The following GPC6 variants were observed in gnomAD, a reference collection of about 807,000 sequenced individuals.
GPC6 encodes the protein glypican 6.
GPC6 carries 14 observed loss-of-function variants against 55.2 expected under a neutral mutation model. The observed-to-expected ratio is 0.25, with a 90% CI of 0.17 to 0.40. The LOEUF (loss-of-function observed/expected upper bound fraction) is 0.40, where lower values mean the gene tolerates loss of function less well. GPC6 is among the 10% of genes least tolerant of loss of function. GPC6 has a pLI of 1.00. For synonymous variants in GPC6, 278 were observed against 259.6 expected, an observed-to-expected ratio of 1.07 and a Z score of -0.68; for missense variants, 641 against 708.5, an observed-to-expected ratio of 0.90 and a Z score of 1.08.
intron 3 of GPC6, among the ~76,000 whole-genome samples, chr13:94,004,965 G>A (rs780049993): frequency 6.6e-6 from 1 of 152,136 alleles, no homozygotes; most frequent in Non-Finnish European, 1.5e-5. Flanking sequence ...GGGAGGCTGA[G>A]GCAGGAGAAT....
At chr13:93,897,708 A>G (rs1876095902) in intron 3 of GPC6, among the ~76,000 whole-genome samples, 3 of 152,098 alleles carry the variant, frequency 2.0e-5, no homozygotes, top group African/African-American at 7.2e-5. Context: ...ACAATCTGCT[A>G]TGAGACACTA....
intron 4 of GPC6, among the ~76,000 whole-genome samples, chr13:94,137,258 A>C (rs1016007776): frequency 6.6e-6 from 1 of 152,220 alleles, no homozygotes; most frequent in Non-Finnish European, 1.5e-5. Flanking sequence ...AAATACATTC[A>C]GAAGCCAGTA....
chr13:93,909,128 C>T (rs548035904), intron 3 of GPC6, among the ~76,000 whole-genome samples: 45 of 152,280 alleles, frequency 3.0e-4, no homozygotes, highest in Non-Finnish European at 5.6e-4. Context: ...CTGTGCCTGG[C>T]ATACAATCAA....
At chr13:94,251,325 G>A (rs1439207351) in intron 4 of GPC6, among the ~76,000 whole-genome samples, 1 of 151,908 alleles carries the variant, frequency 6.6e-6, no homozygotes, top group Non-Finnish European at 1.5e-5. Context: ...AAGCGGGGGA[G>A]AGCATTAGGA....
intron 2 of GPC6, among the ~76,000 whole-genome samples, chr13:93,660,088 AT>A (rs1191821354): frequency 1.3e-5 from 2 of 152,126 alleles, no homozygotes; most frequent in Non-Finnish European, 2.9e-5. Flanking sequence ...TTTGAAAAAA[AT>A]AATTTTCTCT....
chr13:94,215,086 A>G (rs1890188304), intron 4 of GPC6, among the ~76,000 whole-genome samples: 1 of 152,212 alleles, frequency 6.6e-6, no homozygotes, highest in South Asian at 2.1e-4. Context: ...ACGCTCACGC[A>G]TGGACACACA....
intron 8 of GPC6, among the ~76,000 whole-genome samples, chr13:94,401,130 A>G (rs1160793339): frequency 6.6e-6 from 1 of 152,204 alleles, no homozygotes; most frequent in African/African-American, 2.4e-5. Flanking sequence ...AGGAAACTGC[A>G]AAAGTTGAGT....
At chr13:93,349,002 C>A (rs577931226) in intron 1 of GPC6, among the ~76,000 whole-genome samples, 3 of 152,140 alleles carry the variant, frequency 2.0e-5, no homozygotes, top group Non-Finnish European at 2.9e-5. Context: ...ACCATCAAAG[C>A]ATTAGCCCCA....
chr13:94,184,451 A>G (rs1889102761), intron 4 of GPC6, among the ~76,000 whole-genome samples: 1 of 152,100 alleles, frequency 6.6e-6, no homozygotes, highest in Non-Finnish European at 1.5e-5. Flanking sequence ...AGCAAAAAAC[A>G]AATAACCCCA....
At chr13:93,552,048 G>C (rs549113566) in intron 2 of GPC6, among the ~76,000 whole-genome samples, 1 of 152,102 alleles carries the variant, frequency 6.6e-6, no homozygotes, top group Non-Finnish European at 1.5e-5. Context: ...GCAATTCATA[G>C]GGCTTATAAT....
At chr13:93,384,472 A>C (rs1875316006) in intron 1 of GPC6, among the ~76,000 whole-genome samples, 1 of 152,022 alleles carries the variant, frequency 6.6e-6, no homozygotes, top group African/African-American at 2.4e-5. Context: ...ATATGATGAT[A>C]ATTATAAAGA....
In GPC6 at chr13:93,737,480, A is replaced by G. The variant is rs1308956690; in HGVS notation, c.320-92674A>G. Among the ~76,000 whole-genome samples, 3 of 152,278 alleles carry G rather than the reference A, an allele frequency of 2.0e-5. No individual in the cohort carries two copies. In the South Asian group the frequency reaches 6.2e-4, roughly 32 times the overall value. On this transcript the variant is annotated intron_variant, in intron 2 of 8. Coordinates refer to ENST00000377047, the MANE Select transcript of GPC6 (RefSeq NM_005708.5). ...TGGTAGAAAATACTTGGAAAACTTG[A>G]TAAAAGGAGTGAAAGGAAGACAATC...
chr13:94,144,552 TGTGTG>T, intron 4 of GPC6, among the ~76,000 whole-genome samples: 1 of 16,604 alleles, frequency 6.0e-5, no homozygotes, highest in South Asian at 1.3e-3. Context: ...TGTGTATGTG[TGTGTG>T]TGTGTGTGTG....
Position 93,535,225 on chromosome 13 carries a change from A to C in GPC6, c.161-10038A>C, listed in dbSNP as rs34220468. ...AATTTGAGAAAGGAATATGAGTGGG[A>C]AACTCTTAAAAGGATTGCACTTTCT... On this transcript the variant is annotated intron_variant, in intron 1 of 8. Transcript: ENST00000377047. Among the ~76,000 whole-genome samples, 854 of 152,250 alleles carry C rather than the reference A, an allele frequency of 5.6e-3. 4 individuals carry two copies. Among genetic ancestry groups the C allele is most frequent in the Admixed American group, 8.6e-3 (132 of 15,292 alleles).
chr13:93,350,024 C>T (rs1348910035), intron 1 of GPC6, among the ~76,000 whole-genome samples: 1 of 152,176 alleles, frequency 6.6e-6, no homozygotes, highest in Non-Finnish European at 1.5e-5. Context: ...ATTTTCACAA[C>T]AGTCTTTTGA....
intron 6 of GPC6, among the ~76,000 whole-genome samples, chr13:94,378,168 C>T (rs972159053): frequency 3.3e-5 from 5 of 151,960 alleles, no homozygotes; most frequent in African/African-American, 7.3e-5. Context: ...GCACAATGTG[C>T]ACATGTACCC....
intron 4 of GPC6, among the ~76,000 whole-genome samples, chr13:94,049,308 C>A (rs889195934): frequency 1.3e-5 from 2 of 151,606 alleles, no homozygotes; most frequent in Admixed American, 6.6e-5. Flanking sequence ...CCTCCCCAAC[C>A]CCCCACTGAT....
At chr13:93,895,724 A>G (rs913102907) in intron 3 of GPC6, among the ~76,000 whole-genome samples, 1 of 152,100 alleles carries the variant, frequency 6.6e-6, no homozygotes, top group Non-Finnish European at 1.5e-5. Flanking sequence ...GTAACCTGCT[A>G]TTACTGTTCT....
In GPC6 at chr13:93,551,071, A is replaced by C. The variant is rs574047705; in HGVS notation, c.319+5650A>C. On this transcript the variant is annotated intron_variant, in intron 2 of 8. Coordinates refer to ENST00000377047, the MANE Select transcript of GPC6 (RefSeq NM_005708.5). ...AAGAAGACTTTTTGGAAGAGCTTGC[A>C]GTTCAGTATTCAAAGAATGTCTTAA... Among the ~76,000 whole-genome samples the C allele has an allele frequency of 4.6e-5, 7 of 152,280 alleles. No individual in the cohort carries two copies. The East Asian group carries it at 1.2e-3, about 25-fold the overall frequency.
Sources: allele counts gnomAD v4.1 joint callset (sites outside exome capture counted in the v4.1 genomes callset), GRCh38; gene constraint gnomAD v4.1.1; transcripts MANE v1.5; gene names NCBI Gene and HGNC (gene_info 2026-07-23, HGNC 2026-07-21).